The following PCDHGA2 variants were observed in gnomAD, a reference collection of about 807,000 sequenced individuals.
PCDHGA2 encodes the protein protocadherin gamma-A2.
A neutral mutation model predicts 59.2 loss-of-function variants in PCDHGA2; 40 were observed. The observed-to-expected ratio is 0.68, with a 90% confidence interval of 0.52 to 0.88. PCDHGA2 has a LOEUF of 0.88. Among genes scored for constraint, PCDHGA2 ranks in the 40% least tolerant of loss-of-function variants. The pLI is 0.00. For missense variants in PCDHGA2, 1,226 were observed against 1,204.0 expected, an observed-to-expected ratio of 1.02 and a Z score of -0.27; for synonymous variants, 560 against 526.0, an observed-to-expected ratio of 1.06 and a Z score of -0.89.
intron 1 of PCDHGA2, chr5:141,404,186 C>T (rs767632448): frequency 3.1e-6 from 5 of 1,613,084 alleles, no homozygotes; most frequent in Non-Finnish European, 4.2e-6. Flanking sequence ...AATTCTTGAC[C>T]GAGAAAAAGC....
chr5:141,471,444 A>T (rs1366430114), intron 1 of PCDHGA2: 1 of 152,150 alleles, frequency 6.6e-6, no homozygotes, highest in Non-Finnish European at 1.5e-5. Flanking sequence ...AATCTCATGT[A>T]CCTTTTGAAA....
chr5:141,372,168 G>T, intron 1 of PCDHGA2: 1 of 1,613,754 alleles, frequency 6.2e-7, no homozygotes. Flanking sequence ...GACCAAGGTG[G>T]TGGCGGTGGA....
chr5:141,394,128 GC>G, intron 1 of PCDHGA2: 4 of 1,613,730 alleles, frequency 2.5e-6, no homozygotes, highest in Non-Finnish European at 3.4e-6. Context: ...AACTCAAATC[GC>G]TCTGCACGTG....
At chr5:141,471,078 T>C (rs1370939177) in intron 1 of PCDHGA2, among the ~76,000 whole-genome samples, 1 of 142,250 alleles carries the variant, frequency 7.0e-6, no homozygotes, top group Non-Finnish European at 1.5e-5. Context: ...AGACAGGGTC[T>C]CCCTCTGTTG....
At chr5:141,505,353 G>A (rs376781305) in intron 2 of PCDHGA2, 40 bp from the exon 3 acceptor site, 51 of 1,613,426 alleles carry the variant, frequency 3.2e-5, no homozygotes, top group East Asian at 2.7e-4. Flanking sequence ...GAGCTGTGCC[G>A]GCCTGGGAGT....
At position 141,356,736 on chromosome 5, in the gene PCDHGA2, G is replaced by A. The variant is rs748701559; in HGVS notation, c.2424+15341G>A. The A allele has an allele frequency of 4.3e-6, 7 of 1,613,970 alleles. No individual in the cohort carries two copies. In the South Asian group the frequency reaches 5.5e-5, roughly 13 times the overall value. ...ATGTCTCCATCAACTCCAATACAGG[G>A]ATCCTATATGCTCTTTGCTCCTTCG... On this transcript the variant is annotated intron_variant, in intron 1 of 3. Transcript: ENST00000394576.
intron 1 of PCDHGA2, chr5:141,441,139 G>C (rs1000704603): frequency 6.6e-6 from 1 of 152,172 alleles, no homozygotes; most frequent in African/African-American, 2.4e-5. Context: ...ATTTCTAGAA[G>C]ATAATGACAA....
At chr5:141,344,548 T>C in intron 1 of PCDHGA2, 1 of 1,614,034 alleles carries the variant, frequency 6.2e-7, no homozygotes, top group Non-Finnish European at 8.5e-7. Context: ...AACTACAAGC[T>C]TAGCCCCAAT....
At position 141,399,853 on chromosome 5, in the gene PCDHGA2, C is replaced by T. The variant is rs530551805; in HGVS notation, c.2424+58458C>T. 48 of 1,612,978 alleles carry T rather than the reference C, an allele frequency of 3.0e-5. 1 individual carries two copies. In the East Asian group the frequency reaches 9.4e-4, roughly 31 times the overall value. On this transcript the variant is annotated intron_variant, in intron 1 of 3. Transcript: ENST00000394576. ...CTCTGCGCTCTTCGATATGGTGCCGCGCGCTGCAGAGCCCGGCTACCTGGT... is the reference window on the plus strand; with the variant it reads ...CTCTGCGCTCTTCGATATGGTGCCGTGCGCTGCAGAGCCCGGCTACCTGGT...
At position 141,474,199 on chromosome 5, in the gene PCDHGA2, G is replaced by C. The variant is rs74540928; in HGVS notation, c.2425-20608G>C. Reference sequence around the variant, plus strand: ...AAAACTACTTACATTTTTAAAAGCTGATTTTCAAAAACCAGATTGTGAATT... The same window carrying C: ...AAAACTACTTACATTTTTAAAAGCTCATTTTCAAAAACCAGATTGTGAATT... On this transcript the variant is annotated intron_variant, in intron 1 of 3. Transcript: ENST00000394576. Among the ~76,000 whole-genome samples, 85 of 152,308 alleles carry C rather than the reference G, an allele frequency of 5.6e-4. 1 individual carries two copies. In the East Asian group the frequency reaches 0.016, roughly 29 times the overall value.
intron 1 of PCDHGA2, chr5:141,392,171 C>A (rs1182647236): frequency 6.6e-6 from 1 of 152,216 alleles, no homozygotes; most frequent in African/African-American, 2.4e-5. Flanking sequence ...CTGAGTCAGT[C>A]ATCTCCAGTA....
At chr5:141,439,077 C>T (rs978045948) in intron 1 of PCDHGA2, among the ~76,000 whole-genome samples, 1 of 151,492 alleles carries the variant, frequency 6.6e-6, no homozygotes, top group Non-Finnish European at 1.5e-5. Flanking sequence ...CCTGTAATCC[C>T]AGCTACTCAG....
intron 1 of PCDHGA2, chr5:141,356,772 G>T: frequency 6.2e-7 from 1 of 1,614,022 alleles, no homozygotes; most frequent in Non-Finnish European, 8.5e-7. Context: ...ACTATGAGCA[G>T]TTTAGAGACC....
In PCDHGA2 at chr5:141,491,770, G is replaced by A; in HGVS notation, c.2425-3037G>A. 6.4e-7 allele frequency: 1 copy of A among 1,560,888 alleles called. No individual in the cohort carries two copies. Among genetic ancestry groups the A allele is most frequent in the Non-Finnish European group, 8.7e-7 (1 of 1,154,942 alleles). On this transcript the variant is annotated intron_variant, in intron 1 of 3. Coordinates refer to ENST00000394576, the MANE Select transcript of PCDHGA2 (RefSeq NM_018915.4). This position sits in a 1 kb window ranked among gnomAD's most constrained non-coding sequence, Gnocchi z 6.9. ...TGGAGAAGCCGCCCGTCCTCATAAG[G>A]GATTGAACTTGCATCCACTCCTCTC...
At chr5:141,375,119 G>A in intron 1 of PCDHGA2, 1 of 1,613,940 alleles carries the variant, frequency 6.2e-7, no homozygotes, top group Non-Finnish European at 8.5e-7. Flanking sequence ...TAATGTACCA[G>A]AAGTGGTTGT....
Position 141,405,325 on chromosome 5 carries a change from G to C in PCDHGA2, c.2424+63930G>C, listed in dbSNP as rs17097274. ...AGAGCTGTGAGAAAAATGAGCCTTT[G>C]TGCGTCTCTGTTGATTCCAAGTTTC... On this transcript the variant is annotated intron_variant, in intron 1 of 3. Transcript: ENST00000394576. The C allele has an allele frequency of 9.4e-4, 1,513 of 1,614,170 alleles. 9 individuals are homozygous for C. The African/African-American group carries it at 0.016, about 17-fold the overall frequency.
intron 1 of PCDHGA2, chr5:141,361,423 C>T (rs760185392): frequency 2.5e-6 from 4 of 1,613,938 alleles, no homozygotes; most frequent in South Asian, 2.2e-5. Context: ...CGGGGGCAAG[C>T]CGCCCCTCTC....
At chr5:141,358,633 A>G (rs537297166) in intron 1 of PCDHGA2, among the ~76,000 whole-genome samples, 1 of 152,348 alleles carries the variant, frequency 6.6e-6, no homozygotes, top group East Asian at 1.9e-4. Context: ...AATTTCAGTC[A>G]TATATAAGTA....
At chr5:141,371,129 C>T (rs779236316) in intron 1 of PCDHGA2, 2 of 1,614,012 alleles carry the variant, frequency 1.2e-6, no homozygotes, top group East Asian at 2.2e-5. Context: ...TTACTCAGGA[C>T]ATGTACAGGG....
Sources: allele counts gnomAD v4.1 joint callset (sites outside exome capture counted in the v4.1 genomes callset), GRCh38; gene constraint gnomAD v4.1.1; non-coding constraint Gnocchi (gnomAD v3.1); transcripts MANE v1.5; gene names NCBI Gene and HGNC (gene_info 2026-07-23, HGNC 2026-07-21).